The following RNF121 variants were observed in gnomAD, a reference collection of about 807,000 sequenced individuals.
The protein encoded by RNF121 is ring finger protein 121.
A neutral mutation model predicts 46.5 loss-of-function variants in RNF121; 21 were observed. That is an observed-to-expected ratio of 0.45 (90% CI 0.32 to 0.65). The LOEUF is 0.65. Ranked by LOEUF, RNF121 falls within the 30% of genes least tolerant of loss-of-function variation. The pLI is 0.04. For missense variants in RNF121, 346 were observed against 416.0 expected, an observed-to-expected ratio of 0.83 and a Z score of 1.46; for synonymous variants, 139 against 144.7, an observed-to-expected ratio of 0.96 and a Z score of 0.28.
At chr11:71,958,269 TAAAA>T (rs1954040014) in intron 2 of RNF121, among the ~76,000 whole-genome samples, 1 of 152,178 alleles carries the variant, frequency 6.6e-6, no homozygotes, top group Admixed American at 6.5e-5. Context: ...GAACAGTGGT[TAAAA>T]GATCTAGAAC....
At chr11:71,949,433 G>T (rs759464354) in intron 1 of RNF121, among the ~76,000 whole-genome samples, 1 of 151,974 alleles carries the variant, frequency 6.6e-6, no homozygotes, top group Non-Finnish European at 1.5e-5. Flanking sequence ...AACAAAAACA[G>T]GCCAGGCATG....
At position 71,957,283 on chromosome 11, in the gene RNF121, GC is replaced by G; in HGVS notation, c.101+22del. ...AATGGAGGTAAGTGTGGTAGTTCGG[GC>G]CCTGCAGTCTAGGAACTGCAGGTTA... On this transcript the variant is annotated intron_variant, in intron 2 of 8. Transcript: ENST00000361756. The G allele has an allele frequency of 6.4e-7, 1 of 1,553,112 alleles. No homozygotes were observed. Among genetic ancestry groups the G allele is most frequent in the Non-Finnish European group, 8.9e-7 (1 of 1,127,248 alleles).
rs374984580 is a variant in RNF121, at chr11:71,996,321, A to G, written c.*6A>G. 4.0e-5 allele frequency: 64 copies of G among 1,613,918 alleles called. No homozygotes were observed. The African/African-American group carries it at 7.3e-4, about 18-fold the overall frequency. On this transcript the variant is annotated 3_prime_UTR_variant, in exon 9 of 9. Transcript: ENST00000361756. ...ACATCCTGGGCCTGGAATAGTGATGAAGAGCATCAGTGGAAAACCCACCCC... is the reference window on the plus strand; with the variant it reads ...ACATCCTGGGCCTGGAATAGTGATGGAGAGCATCAGTGGAAAACCCACCCC...
intron 6 of RNF121, among the ~76,000 whole-genome samples, chr11:71,993,513 A>T (rs1954908105): frequency 6.6e-6 from 1 of 152,196 alleles, no homozygotes; most frequent in African/African-American, 2.4e-5. Flanking sequence ...TTCAGAGTTC[A>T]TCCATGTATA....
intron 1 of RNF121, among the ~76,000 whole-genome samples, chr11:71,944,515 T>A (rs1366208764): frequency 6.6e-6 from 1 of 152,216 alleles, no homozygotes; most frequent in Admixed American, 6.5e-5. Context: ...TTATATATAC[T>A]GCAGGAGAGC....
chr11:71,956,457 A>C, intron 1 of RNF121, among the ~76,000 whole-genome samples: 1 of 152,210 alleles, frequency 6.6e-6, no homozygotes, highest in Non-Finnish European at 1.5e-5. Flanking sequence ...CAGGGAATGA[A>C]CCACCCTAAA....
At chr11:71,976,103 CCTT>C (rs1464113871) in intron 3 of RNF121, among the ~76,000 whole-genome samples, 2 of 152,092 alleles carry the variant, frequency 1.3e-5, no homozygotes, top group Non-Finnish European at 2.9e-5. Flanking sequence ...TTATCTGAAG[CCTT>C]CTTGTAGTCT....
At chr11:71,980,280 G>A (rs1328788631) in intron 3 of RNF121, among the ~76,000 whole-genome samples, 2 of 152,094 alleles carry the variant, frequency 1.3e-5, no homozygotes, top group East Asian at 1.9e-4. Context: ...AAGCAAAGTG[G>A]TTCTGCTTAC....
At chr11:71,966,370 A>G (rs1052719067) in intron 3 of RNF121, among the ~76,000 whole-genome samples, 2 of 152,188 alleles carry the variant, frequency 1.3e-5, no homozygotes, top group African/African-American at 4.8e-5. Flanking sequence ...TAAAAGTCAG[A>G]TAGTTCTACA....
At chr11:71,961,966 A>ATTT (rs11399586) in intron 3 of RNF121, among the ~76,000 whole-genome samples, 3,212 of 134,202 alleles carry the variant, frequency 0.024, 177 homozygotes, top group African/African-American at 0.085. Flanking sequence ...ATCTGCAAAG[A>ATTT]TTTTTTTTTT....
At chr11:71,960,405 T>G (rs1954103138) in intron 2 of RNF121, among the ~76,000 whole-genome samples, 1 of 152,170 alleles carries the variant, frequency 6.6e-6, no homozygotes, top group African/African-American at 2.4e-5. Context: ...CAGCATCAGG[T>G]TGAAATAGAC....
chr11:71,964,473 CT>C (rs377544751), intron 3 of RNF121, among the ~76,000 whole-genome samples: 1 of 150,450 alleles, frequency 6.6e-6, no homozygotes, highest in Admixed American at 6.7e-5. Context: ...AATTGGATAC[CT>C]TTTTTTTTCC....
chr11:71,953,883 A>G (rs147540595), intron 1 of RNF121, among the ~76,000 whole-genome samples: 1 of 152,324 alleles, frequency 6.6e-6, no homozygotes, highest in East Asian at 1.9e-4. Flanking sequence ...AAAAAAATGT[A>G]GCAGTCAACT....
intron 5 of RNF121, 89 bp from the exon 6 acceptor site, chr11:71,990,508 T>C: frequency 6.6e-7 from 1 of 1,517,302 alleles, no homozygotes; most frequent in Non-Finnish European, 8.9e-7. Flanking sequence ...CCTTCTCGCT[T>C]TGGGCCCTGC....
chr11:71,983,180 TCA>T, intron 4 of RNF121: 1 of 302,262 alleles, frequency 3.3e-6, no homozygotes, highest in Non-Finnish European at 6.0e-6. Flanking sequence ...ATTGTGGTGA[TCA>T]TTGTGGTCTC....
chr11:71,984,181 C>G (rs1416728979), intron 4 of RNF121, among the ~76,000 whole-genome samples: 1 of 152,194 alleles, frequency 6.6e-6, no homozygotes, highest in Non-Finnish European at 1.5e-5. Flanking sequence ...TGCAATAGAA[C>G]AATGTAAGAG....
intron 2 of RNF121, among the ~76,000 whole-genome samples, chr11:71,960,445 T>C (rs559494342): frequency 6.6e-6 from 1 of 152,350 alleles, no homozygotes; most frequent in South Asian, 2.1e-4. Flanking sequence ...AGGTTTCTCC[T>C]GGGACCTCCT....
At chr11:71,951,380 T>C (rs1277213290) in intron 1 of RNF121, among the ~76,000 whole-genome samples, 1 of 152,094 alleles carries the variant, frequency 6.6e-6, no homozygotes, top group Non-Finnish European at 1.5e-5. Context: ...GGGTATTTTG[T>C]TGCCTTGAAC....
chr11:71,952,505 A>T (rs777968561), intron 1 of RNF121, among the ~76,000 whole-genome samples: 5 of 152,222 alleles, frequency 3.3e-5, no homozygotes, highest in Non-Finnish European at 5.9e-5. Context: ...ATACAGACTG[A>T]TGTTATAATT....
Sources: gnomAD v4.1 joint callset for allele counts (sites outside exome capture counted in the v4.1 genomes callset) on GRCh38, gnomAD v4.1.1 for gene constraint, MANE v1.5 for transcripts, NCBI Gene and HGNC (gene_info 2026-07-23, HGNC 2026-07-21) for gene names.